Variants in RBPJ observed in about 807,000 individuals in gnomAD.
RBPJ encodes the protein recombining binding protein suppressor of hairless.
RBPJ carries 9 observed loss-of-function variants against 67.8 expected under a neutral mutation model. The ratio of observed to expected loss-of-function variants is 0.13; its 90% CI spans 0.08 to 0.23. RBPJ has a LOEUF of 0.23. RBPJ is among the 10% of genes least tolerant of loss of function. The probability of loss-of-function intolerance (pLI) is 1.00; values close to 1 mark genes in which losing one functional copy is unlikely to be tolerated. For missense variants in RBPJ, 305 were observed against 595.6 expected (o/e 0.51, Z 5.08); for synonymous variants, 198 against 203.3 (o/e 0.97, Z 0.22).
intron 2 of RBPJ, among the ~76,000 whole-genome samples, chr4:26,387,267 A>T (rs1278026823): frequency 7.9e-5 from 12 of 152,324 alleles, no homozygotes; most frequent in African/African-American, 2.9e-4. Flanking sequence ...CTACAGAAGG[A>T]TACAAAGGAC....
chr4:26,111,831 C>T, the RBPJ span: 1 of 167,580 alleles, frequency 6.0e-6, no homozygotes, highest in Admixed American at 6.2e-5. Flanking sequence ...CAGAGTGACA[C>T]ATGGAGACCT....
chr4:26,144,865 C>T, the RBPJ span, among the ~76,000 whole-genome samples: 2 of 152,188 alleles, frequency 1.3e-5, no homozygotes, highest in Non-Finnish European at 2.9e-5. Flanking sequence ...CCTTCCCTCC[C>T]TGTGATTTCT....
At chr4:26,133,012 G>A in the RBPJ span, among the ~76,000 whole-genome samples, 658 of 152,286 alleles carry the variant, frequency 4.3e-3, 6 homozygotes, top group African/African-American at 0.015. Context: ...GCCTTCCTAC[G>A]TCTTTCCCAA....
chr4:26,352,703 AAAC>A (rs960026722), intron 1 of RBPJ, among the ~76,000 whole-genome samples: 9 of 152,228 alleles, frequency 5.9e-5, no homozygotes, highest in African/African-American at 1.7e-4. Flanking sequence ...ACTCTGTCTC[AAAC>A]AACAACAACA....
At chr4:26,243,166 G>T (rs1719708190) in intron 1 of RBPJ, among the ~76,000 whole-genome samples, 1 of 152,158 alleles carries the variant, frequency 6.6e-6, no homozygotes, top group Admixed American at 6.5e-5. Flanking sequence ...GGCAGAGGTT[G>T]CAGTGAGCTG....
At chr4:26,239,688 A>G (rs1719568822) in intron 1 of RBPJ, among the ~76,000 whole-genome samples, 1 of 151,836 alleles carries the variant, frequency 6.6e-6, no homozygotes, top group African/African-American at 2.4e-5. Context: ...GAAGGGAAGG[A>G]AAGTAACAGA....
chr4:26,325,711 A>C (rs887627462), intron 1 of RBPJ, among the ~76,000 whole-genome samples: 1 of 152,118 alleles, frequency 6.6e-6, no homozygotes, highest in African/African-American at 2.4e-5. Flanking sequence ...TCTCCAGCTG[A>C]GTTGTTTGCC....
chr4:26,123,460 G>T, the RBPJ span, among the ~76,000 whole-genome samples: 2 of 152,116 alleles, frequency 1.3e-5, no homozygotes, highest in Admixed American at 1.3e-4. Context: ...ACTATATGCT[G>T]TAGACTTTAT....
chr4:26,391,505 T>TA (rs985088061), intron 2 of RBPJ, among the ~76,000 whole-genome samples: 5 of 152,022 alleles, frequency 3.3e-5, no homozygotes, highest in African/African-American at 9.7e-5. Flanking sequence ...AGTACCATAT[T>TA]AAAAAAATAG....
At chr4:26,314,636 C>A (rs983556747), upstream of RBPJ, among the ~76,000 whole-genome samples, 24 of 152,128 alleles carry the variant, frequency 1.6e-4, no homozygotes, top group Non-Finnish European at 1.5e-4. Context: ...ATCTAAGTCG[C>A]CTGCTCCTGC....
At chr4:26,280,257 A>G (rs1721224093) in intron 1 of RBPJ, among the ~76,000 whole-genome samples, 1 of 151,794 alleles carries the variant, frequency 6.6e-6, no homozygotes, top group Non-Finnish European at 1.5e-5. Flanking sequence ...TTAGTCAGGT[A>G]TGGTGGCAGG....
At chr4:26,421,747 C>CT (rs1248813453) in intron 5 of RBPJ, among the ~76,000 whole-genome samples, 2 of 152,138 alleles carry the variant, frequency 1.3e-5, no homozygotes, top group Admixed American at 6.5e-5. Context: ...TCATCCTATC[C>CT]TTTCAACCAA....
rs142923555 is a variant in RBPJ at position 26,230,357 on chromosome 4, A to G, written c.-167+66743A>G. Among the ~76,000 whole-genome samples, 947 of 152,332 alleles carry G rather than the reference A, an allele frequency of 6.2e-3. 8 individuals are homozygous for G. The highest frequency in any genetic ancestry group is 0.022 in the African/African-American group (896 of 41,574). ...CTCATAAAAACAAACCAGTGCTAATAATAACGATAACATCTAACTCTTATG... is the reference window on the plus strand; with the variant it reads ...CTCATAAAAACAAACCAGTGCTAATGATAACGATAACATCTAACTCTTATG... On this transcript the variant is annotated intron_variant, in intron 1 of 4. Coordinates refer to the RBPJ transcript ENST00000512351.
chr4:26,223,623 T>C (rs1282284813), intron 1 of RBPJ, among the ~76,000 whole-genome samples: 2 of 152,234 alleles, frequency 1.3e-5, no homozygotes, highest in African/African-American at 4.8e-5. Context: ...TGCTGGAAGA[T>C]AGCTGGGCTG....
At chr4:26,208,816 A>G (rs1446177989) in intron 1 of RBPJ, among the ~76,000 whole-genome samples, 1 of 152,072 alleles carries the variant, frequency 6.6e-6, no homozygotes, top group African/African-American at 2.4e-5. Context: ...TGTCTCCCCA[A>G]ACAAATTACA....
chr4:26,272,832 T>G (rs559320477), intron 1 of RBPJ: 1 of 366,054 alleles, frequency 2.7e-6, no homozygotes, highest in Non-Finnish European at 5.5e-6. Context: ...ATGTACTCAT[T>G]GTTTAAAACC....
At chr4:26,352,885 A>C (rs1375062336) in intron 1 of RBPJ, among the ~76,000 whole-genome samples, 1 of 152,246 alleles carries the variant, frequency 6.6e-6, no homozygotes, top group Non-Finnish European at 1.5e-5. Flanking sequence ...TTAAAATTAA[A>C]ATCTAATCCA....
chr4:26,369,961 G>C (rs1306856485), intron 1 of RBPJ, among the ~76,000 whole-genome samples: 1 of 152,136 alleles, frequency 6.6e-6, no homozygotes, highest in African/African-American at 2.4e-5. Context: ...TAAAAGAATA[G>C]TATGTGAACA....
rs1195538249 is a variant in RBPJ, at chr4:26,433,213, T to C, written c.*2206T>C. 1 of 152,242 alleles carries C rather than the reference T, an allele frequency of 6.6e-6. No homozygotes were observed. The highest frequency in any genetic ancestry group is 1.9e-4 in the East Asian group (1 of 5,200). 9.4% of individuals were successfully genotyped at this position (152,242 alleles called of 1,614,324 possible). A position where few individuals can be genotyped will look rare whatever the true frequency, so the allele number is the denominator to read the frequency against. ...CTCATTGTGGCCTTATCTTTCTTTGTTGTAATTGTTCACTGTCTCTTTCTT... is the reference window on the plus strand; with the variant it reads ...CTCATTGTGGCCTTATCTTTCTTTGCTGTAATTGTTCACTGTCTCTTTCTT... On this transcript the variant is annotated 3_prime_UTR_variant, in exon 11 of 11. Transcript: ENST00000355476.
Sources: gnomAD v4.1 joint callset for allele counts (sites outside exome capture counted in the v4.1 genomes callset) on GRCh38, gnomAD v4.1.1 for gene constraint, MANE v1.5 for transcripts, NCBI Gene and HGNC (gene_info 2026-07-23, HGNC 2026-07-21) for gene names.